Variants in UTS2B observed in about 807,000 individuals in gnomAD.
The protein encoded by UTS2B is urotensin-2B.
UTS2B carries 21 observed loss-of-function variants against 19.2 expected under a neutral mutation model. The observed-to-expected ratio is 1.09, with a 90% CI of 0.78 to 1.58. The LOEUF (loss-of-function observed/expected upper bound fraction) is 1.58. Ranked by LOEUF, UTS2B falls within the 40% of genes most tolerant of loss-of-function variation. The pLI, the probability that UTS2B is intolerant of heterozygous loss-of-function variation, is 0.00. For synonymous variants in UTS2B, 57 were observed against 50.2 expected (o/e 1.14, Z -0.58); for missense variants, 138 against 130.3 (o/e 1.06, Z -0.29).
chr3:191,338,801 C>T, the UTS2B span, among the ~76,000 whole-genome samples: 1 of 152,126 alleles, frequency 6.6e-6, no homozygotes, highest in East Asian at 1.9e-4. Context: ...ATTGACAACA[C>T]CTGAAGTCAG....
the UTS2B span, among the ~76,000 whole-genome samples, chr3:191,340,944 T>C: frequency 6.6e-6 from 1 of 152,136 alleles, no homozygotes; most frequent in Non-Finnish European, 1.5e-5. Flanking sequence ...CAAGTGATCC[T>C]TCTGCCTCAG....
rs201647852 is a variant in UTS2B, at chr3:191,278,149, T to G, written c.125A>C (p.Lys42Thr). ...LTQGNEIFPD[K>T]KYTNREELLL... is the part of the protein sequence containing the mutation. Reference sequence around the variant, plus strand: ...TAGTTCCTCACGATTTGTATATTTTTTATCTGGAAATATTTCATTTCCTAT... The same window carrying G: ...TAGTTCCTCACGATTTGTATATTTTGTATCTGGAAATATTTCATTTCCTAT... The change falls in exon 6 of 9, where the codon AAA becomes ACA. Residue 42 changes from lysine to threonine, a missense_variant. Transcript: ENST00000340524. The G allele has an allele frequency of 1.3e-6, 2 of 1,550,282 alleles. No individual in the cohort carries two copies. Among genetic ancestry groups the G allele is most frequent in the African/African-American group, 2.8e-5 (2 of 71,954 alleles).
chr3:191,297,529 C>T (rs1171376437), intron 4 of UTS2B, among the ~76,000 whole-genome samples: 2 of 152,026 alleles, frequency 1.3e-5, no homozygotes, highest in East Asian at 3.9e-4. Context: ...AATTAATTGC[C>T]TCTTCTTTCA....
At position 191,328,037 on chromosome 3, in the gene UTS2B, A is replaced by C. The variant is rs1003872868; in HGVS notation, c.-586+594T>G. On this transcript the variant is annotated intron_variant, in intron 2 of 8. Transcript: ENST00000340524. ...TATGTCCTATTTATGTAGTGATTTG[A>C]AATGTAATTATTTGAACATATAAAA... Among the ~76,000 whole-genome samples the C allele has an allele frequency of 3.3e-5, 5 of 152,218 alleles. No homozygotes were observed. In the East Asian group the frequency reaches 9.6e-4, roughly 29 times the overall value.
At chr3:191,313,585 T>A (rs1023639589) in intron 3 of UTS2B, among the ~76,000 whole-genome samples, 2 of 152,122 alleles carry the variant, frequency 1.3e-5, no homozygotes, top group African/African-American at 2.4e-5. Context: ...CAAAGCTAGT[T>A]CTCTTTAAGT....
intron 4 of UTS2B, among the ~76,000 whole-genome samples, chr3:191,285,985 A>C (rs114824559): frequency 0.042 from 6,405 of 152,282 alleles, 452 homozygotes; most frequent in African/African-American, 0.15. Context: ...AGTTAAGCTT[A>C]TATCAGATAA....
intron 2 of UTS2B, among the ~76,000 whole-genome samples, chr3:191,317,162 C>T (rs984833356): frequency 1.3e-5 from 2 of 152,324 alleles, no homozygotes; most frequent in Admixed American, 6.5e-5. Context: ...CGCGGGGAGG[C>T]GGCTGAGGCC....
intron 2 of UTS2B, among the ~76,000 whole-genome samples, chr3:191,319,960 A>G (rs1717571222): frequency 6.6e-6 from 1 of 151,526 alleles, no homozygotes; most frequent in African/African-American, 2.4e-5. Context: ...CACTTCAATT[A>G]TTCTTTATCA....
chr3:191,268,337 G>C lies in UTS2B; in HGVS notation c.*79C>G. The C allele has an allele frequency of 9.8e-7, 1 of 1,023,956 alleles. No homozygotes were observed. Among genetic ancestry groups the C allele is most frequent in the Admixed American group, 2.6e-5 (1 of 37,922 alleles). The allele number at this position is 1,023,956 out of a possible 1,614,324, so 63.4% of individuals were successfully genotyped here. On this transcript the variant is annotated 3_prime_UTR_variant, in exon 9 of 9. Transcript: ENST00000340524. ...TTTATTCCACAGCAATAGTTTCAGG[G>C]GGTCTGCCTACAGCAGAGTGAGTAG...
intron 2 of UTS2B, among the ~76,000 whole-genome samples, chr3:191,321,703 C>G (rs1030241765): frequency 1.3e-5 from 2 of 152,240 alleles, no homozygotes; most frequent in Admixed American, 6.5e-5. Flanking sequence ...TGTGTACATA[C>G]AAATATGTGT....
rs527529154 is a variant in UTS2B at position 191,292,522 on chromosome 3, C to A, written c.-124-10209G>T. 7.9e-5 allele frequency among the ~76,000 whole-genome samples: 12 copies of A among 152,160 alleles called. No homozygotes were observed. The South Asian group carries it at 2.5e-3, about 32-fold the overall frequency. ...TCTTATATTTTGCAATCTTGCTGAACCCATTTATTAGCTCTGTTTATTTAT... is the reference window on the plus strand; with the variant it reads ...TCTTATATTTTGCAATCTTGCTGAAACCATTTATTAGCTCTGTTTATTTAT... On this transcript the variant is annotated intron_variant, in intron 4 of 8. Coordinates refer to ENST00000340524, the MANE Select transcript of UTS2B (RefSeq NM_198152.5).
At chr3:191,271,537 A>G (rs1716094965) in intron 8 of UTS2B, among the ~76,000 whole-genome samples, 1 of 152,126 alleles carries the variant, frequency 6.6e-6, no homozygotes, top group Admixed American at 6.6e-5. Context: ...GGATAGACTT[A>G]AACTCCTTTT....
At chr3:191,313,639 T>C (rs531901619) in intron 3 of UTS2B, among the ~76,000 whole-genome samples, 18 of 152,044 alleles carry the variant, frequency 1.2e-4, no homozygotes, top group Admixed American at 2.0e-4. Context: ...CACCTGCACA[T>C]AGACGCAGCT....
chr3:191,277,926 C>CA (rs1040241338), intron 6 of UTS2B, 146 bp downstream of exon 6: 10 of 468,244 alleles, frequency 2.1e-5, no homozygotes, highest in African/African-American at 1.2e-4. Flanking sequence ...AAATATAAAA[C>CA]AAAAAAATCA....
chr3:191,330,321 A>G, intron 1 of UTS2B, 93 bp downstream of exon 1: 1 of 153,172 alleles, frequency 6.5e-6, no homozygotes, highest in Non-Finnish European at 1.4e-5. Flanking sequence ...ACACACACAC[A>G]CACACACAAT....
At chr3:191,340,165 C>T in the UTS2B span, among the ~76,000 whole-genome samples, 1 of 152,172 alleles carries the variant, frequency 6.6e-6, no homozygotes, top group African/African-American at 2.4e-5. Context: ...CCTCACAGGT[C>T]AGGACATGAG....
chr3:191,337,235 C>T, the UTS2B span, among the ~76,000 whole-genome samples: 5 of 151,710 alleles, frequency 3.3e-5, no homozygotes, highest in Non-Finnish European at 5.9e-5. Context: ...GTTATTTAAC[C>T]TTTTTTGGAC....
Position 191,326,086 on chromosome 3 carries a change from G to A in UTS2B, c.-586+2545C>T, listed in dbSNP as rs142527144. 1.7e-3 allele frequency among the ~76,000 whole-genome samples: 266 copies of A among 152,280 alleles called. 2 individuals are homozygous for A. Among genetic ancestry groups the A allele is most frequent in the African/African-American group, 6.0e-3 (249 of 41,548 alleles). On this transcript the variant is annotated intron_variant, in intron 2 of 8. Transcript: ENST00000340524. ...CCAAGGAGACAGATAATTCTTTCCA[G>A]AAGTATAGTTCTGTGGGTCCCCTTT...
At chr3:191,276,928 G>A (rs1018611147) in intron 6 of UTS2B, 84 bp from the exon 7 acceptor site, 47 of 1,241,286 alleles carry the variant, frequency 3.8e-5, no homozygotes, top group Middle Eastern at 1.9e-4. Flanking sequence ...AAGATCTTAC[G>A]TAGAAAGCAT....
Sources: allele counts gnomAD v4.1 joint callset (sites outside exome capture counted in the v4.1 genomes callset), GRCh38; gene constraint gnomAD v4.1.1; transcripts MANE v1.5; gene names NCBI Gene and HGNC (gene_info 2026-07-23, HGNC 2026-07-21).